SRGAP1: variants seen among roughly 807,000 people sequenced by gnomAD.
SRGAP1 encodes the protein SLIT-ROBO Rho GTPase-activating protein 1.
Under a neutral mutation model 121.9 loss-of-function variants are expected in SRGAP1, and 43 were observed. The observed-to-expected ratio is 0.35, with a 90% confidence interval of 0.28 to 0.46. SRGAP1 has a LOEUF of 0.46. Among genes scored for constraint, SRGAP1 ranks in the 20% least tolerant of loss-of-function variants. The pLI, the probability that SRGAP1 is intolerant of heterozygous loss-of-function variation, is 1.00. For synonymous variants in SRGAP1, 447 were observed against 485.4 expected, an observed-to-expected ratio of 0.92 and a Z score of 1.04; for missense variants, 1,102 against 1,350.9, an observed-to-expected ratio of 0.82 and a Z score of 2.89.
chr12:64,137,763 G>A (rs962450253), intron 21 of SRGAP1, among the ~76,000 whole-genome samples: 1 of 151,878 alleles, frequency 6.6e-6, no homozygotes, highest in Non-Finnish European at 1.5e-5. Context: ...GCCTCAAAGT[G>A]CTCACATTCA....
intron 6 of SRGAP1, among the ~76,000 whole-genome samples, chr12:64,059,685 T>G (rs2035410161): frequency 6.6e-6 from 1 of 152,204 alleles, no homozygotes; most frequent in Non-Finnish European, 1.5e-5. Context: ...GAATAATTTT[T>G]CAGGCCCTCT....
rs1182718272 is a variant in SRGAP1 at position 64,158,696 on chromosome 12, C to A, written c.*16024C>A. 1 of 151,842 alleles carries A rather than the reference C, an allele frequency of 6.6e-6. No individual in the cohort carries two copies. The highest frequency in any genetic ancestry group is 1.5e-5 in the Non-Finnish European group (1 of 68,004). 9.4% of individuals were successfully genotyped at this position (151,842 alleles called of 1,614,324 possible). ...CTGAGGCAGAAGTATCACTTGAACCCGGGAGGTGGACGTTGCAGTGAGCCA... is the reference window on the plus strand; with the variant it reads ...CTGAGGCAGAAGTATCACTTGAACCAGGGAGGTGGACGTTGCAGTGAGCCA... On this transcript the variant is annotated 3_prime_UTR_variant, in exon 22 of 22. Transcript: ENST00000355086.
Position 64,095,105 on chromosome 12 carries a change from C to G in SRGAP1, c.1601-22C>G, listed in dbSNP as rs781084581. On this transcript the variant is annotated intron_variant, in intron 13 of 21. Coordinates refer to ENST00000355086, the MANE Select transcript of SRGAP1 (RefSeq NM_020762.4). ...GACAATGTGATGGGGGTTTTATCCTCTTTCCCTTCTTTTCTCTTTAGGTCT... is the reference window on the plus strand; with the variant it reads ...GACAATGTGATGGGGGTTTTATCCTGTTTCCCTTCTTTTCTCTTTAGGTCT... 6.8e-6 allele frequency: 11 copies of G among 1,613,318 alleles called. No individual in the cohort carries two copies. The South Asian group carries it at 1.2e-4, about 18-fold the overall frequency.
chr12:64,137,611 G>A (rs1418676899), intron 21 of SRGAP1, among the ~76,000 whole-genome samples: 3 of 152,032 alleles, frequency 2.0e-5, no homozygotes, highest in Admixed American at 6.6e-5. Context: ...CATAATCATC[G>A]TGTCTTGGTT....
At chr12:63,934,651 AC>A (rs924408740) in intron 1 of SRGAP1, among the ~76,000 whole-genome samples, 5 of 149,242 alleles carry the variant, frequency 3.4e-5, no homozygotes, top group African/African-American at 7.4e-5. Flanking sequence ...CACAACCACC[AC>A]CCCCCCCAAC....
At chr12:64,029,030 C>A (rs577736220) in intron 4 of SRGAP1, among the ~76,000 whole-genome samples, 2 of 152,190 alleles carry the variant, frequency 1.3e-5, no homozygotes, top group East Asian at 3.9e-4. Context: ...GTGAGTAAAC[C>A]CAGGAACATG....
intron 4 of SRGAP1, among the ~76,000 whole-genome samples, chr12:64,040,342 C>G (rs1288614989): frequency 6.6e-6 from 1 of 151,990 alleles, no homozygotes; most frequent in Non-Finnish European, 1.5e-5. Context: ...CTTCTTAGAC[C>G]TTAGTTATAA....
At chr12:64,068,588 G>A (rs931827307) in intron 8 of SRGAP1, among the ~76,000 whole-genome samples, 1 of 151,844 alleles carries the variant, frequency 6.6e-6, no homozygotes, top group South Asian at 2.1e-4. Flanking sequence ...GCCTGCCTTG[G>A]CCTCCCAAGA....
intron 1 of SRGAP1, among the ~76,000 whole-genome samples, chr12:63,944,476 C>T (rs2031977152): frequency 1.3e-5 from 2 of 152,172 alleles, no homozygotes; most frequent in African/African-American, 2.4e-5. Context: ...CTACCAAAGG[C>T]CCAACCTCCA....
At chr12:64,011,697 AGTT>A (rs775657203) in intron 3 of SRGAP1, among the ~76,000 whole-genome samples, 3 of 152,230 alleles carry the variant, frequency 2.0e-5, no homozygotes, top group Non-Finnish European at 2.9e-5. Context: ...TTTACTAGGT[AGTT>A]GTTATGAATC....
chr12:64,157,521 C>CTT lies in SRGAP1; in HGVS notation c.*14851_*14852dup, dbSNP rs1056173866. On this transcript the variant is annotated 3_prime_UTR_variant, in exon 22 of 22. Transcript: ENST00000355086. ...CATGTACAAATTTATTAAAAATACT[C>CTT]TTTCAATTCCTTCTCTCTGCCTGAC... 7.2e-5 allele frequency: 11 copies of CTT among 152,130 alleles called. No individual in the cohort carries two copies. Among genetic ancestry groups the CTT allele is most frequent in the African/African-American group, 2.7e-4 (11 of 41,418 alleles). 9.4% of individuals were successfully genotyped at this position (152,130 alleles called of 1,614,324 possible).
intron 2 of SRGAP1, among the ~76,000 whole-genome samples, chr12:63,986,980 G>A (rs2033435997): frequency 6.6e-6 from 1 of 152,158 alleles, no homozygotes; most frequent in Non-Finnish European, 1.5e-5. Flanking sequence ...AACAGGATTG[G>A]GAAAAAAGTC....
At chr12:64,049,683 A>G (rs2035201582) in intron 6 of SRGAP1, among the ~76,000 whole-genome samples, 1 of 152,200 alleles carries the variant, frequency 6.6e-6, no homozygotes, top group Non-Finnish European at 1.5e-5. Flanking sequence ...AGTTCACTGT[A>G]GATGTATGGA....
At chr12:64,135,038 G>A (rs1348100487) in intron 21 of SRGAP1, among the ~76,000 whole-genome samples, 1 of 152,188 alleles carries the variant, frequency 6.6e-6, no homozygotes, top group Non-Finnish European at 1.5e-5. Context: ...CATTGCCTCA[G>A]GCAGCACAGG....
intron 1 of SRGAP1, among the ~76,000 whole-genome samples, chr12:63,893,200 T>C (rs1012463322): frequency 2.0e-5 from 3 of 152,222 alleles, no homozygotes; most frequent in Admixed American, 2.0e-4. Context: ...ATATGTCAAC[T>C]AAAAACAGGT....
intron 18 of SRGAP1, among the ~76,000 whole-genome samples, chr12:64,122,398 G>A (rs2036617941): frequency 6.6e-6 from 1 of 152,200 alleles, no homozygotes; most frequent in Admixed American, 6.5e-5. Flanking sequence ...AGACTAAGAT[G>A]TGTGTAAATA....
chr12:64,059,997 T>C (rs1464033887), intron 6 of SRGAP1, among the ~76,000 whole-genome samples: 2 of 152,018 alleles, frequency 1.3e-5, no homozygotes, highest in Non-Finnish European at 2.9e-5. Context: ...CCAAAAGACA[T>C]GGTTGCAGGC....
intron 1 of SRGAP1, among the ~76,000 whole-genome samples, chr12:63,959,860 G>C (rs2032586610): frequency 6.6e-6 from 1 of 152,134 alleles, no homozygotes; most frequent in South Asian, 2.1e-4. Context: ...AAGGAGTGTT[G>C]GAACCCAGGT....
At chr12:63,888,358 G>T (rs1187497389) in intron 1 of SRGAP1, 1 of 152,032 alleles carries the variant, frequency 6.6e-6, no homozygotes, top group Non-Finnish European at 1.5e-5. Context: ...TTCCACTTGT[G>T]TCTTTATGGA....
Sources: gnomAD v4.1 joint callset for allele counts (sites outside exome capture counted in the v4.1 genomes callset) on GRCh38, gnomAD v4.1.1 for gene constraint, MANE v1.5 for transcripts, NCBI Gene and HGNC (gene_info 2026-07-23, HGNC 2026-07-21) for gene names.